The following ZNF445 variants were observed in gnomAD, a reference collection of about 807,000 sequenced individuals.
ZNF445 encodes zinc finger protein 445, also known as zinc finger protein 168.
ZNF445 carries 19 observed loss-of-function variants against 93.9 expected under a neutral mutation model. The ratio of observed to expected loss-of-function variants is 0.20; its 90% CI spans 0.14 to 0.30. ZNF445 has a LOEUF of 0.30. Among genes scored for constraint, ZNF445 ranks in the 10% least tolerant of loss-of-function variants. The probability of loss-of-function intolerance (pLI) is 1.00; values close to 1 mark genes in which losing one functional copy is unlikely to be tolerated. For synonymous variants in ZNF445, 449 were observed against 446.3 expected (o/e 1.01, Z -0.08); for missense variants, 1,058 against 1,259.4 (o/e 0.84, Z 2.42).
At position 44,448,343 on chromosome 3, in the gene ZNF445, C is replaced by T; in HGVS notation, c.1328G>A (p.Gly443Asp). The T allele has an allele frequency of 6.2e-7, 1 of 1,614,222 alleles. No individual in the cohort carries two copies. Among genetic ancestry groups the T allele is most frequent in the South Asian group, 1.1e-5 (1 of 91,088 alleles). Residue 443 changes from glycine to aspartate, a missense_variant, in exon 8 of 8, where the codon GGC (glycine) becomes GAC (aspartate). Coordinates refer to ENST00000396077, the MANE Select transcript of ZNF445 (RefSeq NM_181489.6). ...YGKGLRHMIG[G>D]FSLHQRIHSG... Reference sequence around the variant, plus strand: ...ATGAATTCTCTGATGTAGGCTGAAGCCCCCAATCATGTGTCTGAGCCCCTT... The same window carrying T: ...ATGAATTCTCTGATGTAGGCTGAAGTCCCCAATCATGTGTCTGAGCCCCTT...
chr3:44,465,899 G>A (rs1698186505), intron 1 of ZNF445, among the ~76,000 whole-genome samples: 1 of 152,136 alleles, frequency 6.6e-6, no homozygotes, highest in Non-Finnish European at 1.5e-5. Context: ...GGGCTACAGA[G>A]TAAGACTTCG....
chr3:44,441,675 T>G lies in ZNF445; in HGVS notation c.*4900A>C, dbSNP rs1697813123. 6.6e-6 allele frequency: 1 copy of G among 152,202 alleles called. No homozygotes were observed. The allele number at this position is 152,202 out of a possible 1,614,324, so 9.4% of individuals were successfully genotyped here. ...GAAATATTTTTACTTTGAAACACTT[T>G]AAGCAAACAGTTAAAAAGTACCCAC... On this transcript the variant is annotated 3_prime_UTR_variant, in exon 8 of 8. Transcript: ENST00000396077.
chr3:44,473,023 T>C (rs1351951174), intron 1 of ZNF445, among the ~76,000 whole-genome samples: 2 of 152,212 alleles, frequency 1.3e-5, no homozygotes, highest in Admixed American at 6.5e-5. Flanking sequence ...CTTCACCTCA[T>C]GGCCAATGTA....
At position 44,455,422 on chromosome 3, in the gene ZNF445, G is replaced by T; in HGVS notation, c.128C>A (p.Pro43Gln). Residue 43 changes from proline (P) to glutamine (Q), a missense_variant, in exon 3 of 8, where the codon CCA (proline) becomes CAA (glutamine). This residue lies in a region of ZNF445 where 657 missense variants were observed against 746.4 expected (regional missense o/e 0.88). Transcript: ENST00000396077. ...ESYTPVQAARPQTLNRPGQEL... is the reference protein window; with the variant it reads ...ESYTPVQAARQQTLNRPGQEL... Reference sequence around the variant, plus strand: ...CTGGCCAGGGCGGTTGAGAGTCTGTGGCCTGGCAGCCTGCACTGGAGTATA... The same window carrying T: ...CTGGCCAGGGCGGTTGAGAGTCTGTTGCCTGGCAGCCTGCACTGGAGTATA... The T allele has an allele frequency of 6.2e-7, 1 of 1,614,204 alleles. No individual in the cohort carries two copies. Among genetic ancestry groups the T allele is most frequent in the Middle Eastern group, 1.6e-4 (1 of 6,062 alleles).
intron 1 of ZNF445, among the ~76,000 whole-genome samples, chr3:44,461,682 T>C (rs1698116198): frequency 6.6e-6 from 1 of 152,172 alleles, no homozygotes. Flanking sequence ...GGGAAAAAGT[T>C]TGAGCTTCGT....
intron 1 of ZNF445, among the ~76,000 whole-genome samples, chr3:44,475,130 A>G (rs1297239210): frequency 3.9e-5 from 6 of 152,094 alleles, no homozygotes; most frequent in Non-Finnish European, 7.4e-5. Context: ...CTTATCTTAC[A>G]TTGAGAAGTT....
chr3:44,472,665 C>T (rs1214702862), intron 1 of ZNF445, among the ~76,000 whole-genome samples: 1 of 152,220 alleles, frequency 6.6e-6, no homozygotes, highest in East Asian at 1.9e-4. Flanking sequence ...GCCTCTCAAA[C>T]TCTGAATGAA....
At position 44,455,574 on chromosome 3, in the gene ZNF445, A is replaced by G. The variant is rs759193891; in HGVS notation, c.-25T>C. 4.5e-6 allele frequency: 7 copies of G among 1,544,300 alleles called. No homozygotes were observed. Among genetic ancestry groups the G allele is most frequent in the Non-Finnish European group, 6.1e-6 (7 of 1,147,334 alleles). ...TCACTCCTGTTCAGGGACTAACCAGAAGAGTGCGAACCAAGTCCACCTTAG... is the reference window on the plus strand; with the variant it reads ...TCACTCCTGTTCAGGGACTAACCAGGAGAGTGCGAACCAAGTCCACCTTAG... On this transcript the variant is annotated 5_prime_UTR_variant, in exon 3 of 8. Transcript: ENST00000396077.
Position 44,441,490 on chromosome 3 carries a change from A to C in ZNF445, c.*5085T>G, listed in dbSNP as rs571619078. ...TCAGCCTTATTTTACCCAGTTCCCT[A>C]TTCAAGATGGAGTCACTCTGGTTCA... On this transcript the variant is annotated 3_prime_UTR_variant, in exon 8 of 8. Transcript: ENST00000396077. 1 of 152,266 alleles carries C rather than the reference A, an allele frequency of 6.6e-6. No homozygotes were observed. Among genetic ancestry groups the C allele is most frequent in the South Asian group, 2.1e-4 (1 of 4,850 alleles). 9.4% of individuals were successfully genotyped at this position (152,266 alleles called of 1,614,324 possible).
rs149721152 is a variant in ZNF445 at position 44,463,867 on chromosome 3, C to G, written c.-268-5503G>C. Reference sequence around the variant, plus strand: ...TGTCGACTGGTCATGGTAGCTCATGCCTGTAAGCCCAGCACTTTGGGAGGC... The same window carrying G: ...TGTCGACTGGTCATGGTAGCTCATGGCTGTAAGCCCAGCACTTTGGGAGGC... On this transcript the variant is annotated intron_variant, in intron 1 of 7. Coordinates refer to ENST00000396077, the MANE Select transcript of ZNF445 (RefSeq NM_181489.6). 2.8e-4 allele frequency among the ~76,000 whole-genome samples: 42 copies of G among 151,896 alleles called. No homozygotes were observed. In the East Asian group the frequency reaches 8.0e-3, roughly 29 times the overall value.
chr3:44,453,050 A>G (rs1455373197), intron 3 of ZNF445, among the ~76,000 whole-genome samples: 1 of 150,618 alleles, frequency 6.6e-6, no homozygotes, highest in African/African-American at 2.4e-5. Flanking sequence ...AGTAGCTGAG[A>G]CTACAGGCGA....
chr3:44,455,043 G>C (rs1698008515), intron 3 of ZNF445, 78 bp downstream of exon 3: 4 of 1,571,596 alleles, frequency 2.5e-6, no homozygotes, highest in African/African-American at 2.7e-5. Flanking sequence ...ACAGTTTAGA[G>C]GGCCACCCCC....
intron 1 of ZNF445, among the ~76,000 whole-genome samples, chr3:44,462,233 G>A (rs1037317912): frequency 6.6e-6 from 1 of 152,130 alleles, no homozygotes; most frequent in Non-Finnish European, 1.5e-5. Flanking sequence ...ACTTTGCTAC[G>A]GGTCTCCGAA....
chr3:44,457,298 G>T (rs1698042149), intron 2 of ZNF445, among the ~76,000 whole-genome samples: 1 of 151,818 alleles, frequency 6.6e-6, no homozygotes, highest in Non-Finnish European at 1.5e-5. Flanking sequence ...TAAAGACAGG[G>T]TCTCTTTCTG....
At chr3:44,449,733 C>T in intron 6 of ZNF445, 110 bp from the exon 7 acceptor site, 1 of 836,670 alleles carries the variant, frequency 1.2e-6, no homozygotes, top group Non-Finnish European at 2.0e-6. Context: ...ACCAGGAAGG[C>T]AGGCAGCAGA....
intron 3 of ZNF445, 29 bp from the exon 4 acceptor site, chr3:44,451,511 T>C (rs1206441848): frequency 6.3e-7 from 1 of 1,582,792 alleles, no homozygotes; most frequent in African/African-American, 1.3e-5. Context: ...TGTGAGAGGA[T>C]CTTTCTGGGA....
At position 44,436,357 on chromosome 3, in the gene ZNF445, G is replaced by A. The variant is rs1697679715; in HGVS notation, c.*10218C>T. The A allele has an allele frequency of 6.6e-6, 1 of 152,090 alleles. No homozygotes were observed. The highest frequency in any genetic ancestry group is 2.4e-5 in the African/African-American group (1 of 41,326). The allele number at this position is 152,090 out of a possible 1,614,324, so 9.4% of individuals were successfully genotyped here. A position where few individuals can be genotyped will look rare whatever the true frequency, so the allele number is the denominator to read the frequency against. On this transcript the variant is annotated 3_prime_UTR_variant, in exon 8 of 8. Transcript: ENST00000396077. The stretch of plus-strand genomic sequence containing the variant: ...CACCAATTGTGTTTTTGGTGACTAA[G>A]TGTTACCATATGGTCCCTGCCTCCT...
chr3:44,460,575 C>G (rs557549589), intron 1 of ZNF445, among the ~76,000 whole-genome samples: 127 of 152,282 alleles, frequency 8.3e-4, no homozygotes, highest in African/African-American at 2.9e-3. Context: ...TGTGGCCCCC[C>G]ACCCAGGAAC....
chr3:44,468,290 C>T (rs1472054335), intron 1 of ZNF445, among the ~76,000 whole-genome samples: 2 of 152,194 alleles, frequency 1.3e-5, no homozygotes, highest in Non-Finnish European at 2.9e-5. Flanking sequence ...ATGACTGAGA[C>T]AGTGAAAGAG....
Sources: gnomAD v4.1 joint callset for allele counts (sites outside exome capture counted in the v4.1 genomes callset) on GRCh38, gnomAD v4.1.1 for gene constraint, gnomAD v4.1.1 regional missense constraint, MANE v1.5 for transcripts, NCBI Gene and HGNC (gene_info 2026-07-23, HGNC 2026-07-21) for gene names.